Variants in PLXNA4 observed in about 807,000 individuals in gnomAD.
PLXNA4 encodes the protein plexin A4, also known as plexin-A4.
A neutral mutation model predicts 191.8 loss-of-function variants in PLXNA4; 44 were observed. That is an observed-to-expected ratio of 0.23 (90% CI 0.18 to 0.29). PLXNA4 has a LOEUF of 0.29. Among genes scored for constraint, PLXNA4 ranks in the 10% least tolerant of loss-of-function variants. PLXNA4 has a pLI of 1.00. For synonymous variants in PLXNA4, 1,082 were observed against 1,009.5 expected (o/e 1.07, Z -1.36); for missense variants, 1,800 against 2,488.8 (o/e 0.72, Z 5.89).
chr7:132,599,236 A>G (rs1309781803), intron 2 of PLXNA4, among the ~76,000 whole-genome samples: 1 of 152,180 alleles, frequency 6.6e-6, no homozygotes, highest in Non-Finnish European at 1.5e-5. Flanking sequence ...TTATCCTTCT[A>G]TGTAAATTTC....
chr7:132,138,247 A>C (rs1276812972), intron 30 of PLXNA4, among the ~76,000 whole-genome samples: 1 of 152,156 alleles, frequency 6.6e-6, no homozygotes, highest in Non-Finnish European at 1.5e-5. Flanking sequence ...TGAGCCTCTA[A>C]GTAAAAAGTC....
Position 132,124,750 on chromosome 7 carries a change from T to A in PLXNA4, c.*5729A>T, listed in dbSNP as rs1794722904. 6.6e-6 allele frequency: 1 copy of A among 152,146 alleles called. No individual in the cohort carries two copies. The highest frequency in any genetic ancestry group is 1.9e-4 in the East Asian group (1 of 5,164). 9.4% of individuals were successfully genotyped at this position (152,146 alleles called of 1,614,324 possible). ...AGCCAAGCATAGACATCAAAGCGGG[T>A]GGGAATGGAATAAAGTGAGGCTCCC... On this transcript the variant is annotated 3_prime_UTR_variant, in exon 32 of 32. Transcript: ENST00000321063.
intron 20 of PLXNA4, among the ~76,000 whole-genome samples, chr7:132,175,547 T>A (rs1796429660): frequency 6.6e-6 from 1 of 152,222 alleles, no homozygotes; most frequent in South Asian, 2.1e-4. Context: ...GTGATGCTAC[T>A]TGATGGTGAA....
intron 4 of PLXNA4, among the ~76,000 whole-genome samples, chr7:132,258,500 G>C (rs1799511020): frequency 6.6e-6 from 1 of 152,230 alleles, no homozygotes; most frequent in Non-Finnish European, 1.5e-5. Flanking sequence ...AGAAGTGAAA[G>C]TCCTGTGTTC....
rs1369482917 is a variant in PLXNA4 at position 132,597,855 on chromosome 7, C to CTATA, written c.-87+48072_-87+48073insTATA. ...TCCATGTTGCGCTCTCTCTCTCTCTCTCTCTATATATATATATACATCCAA... is the reference window on the plus strand; with the variant it reads ...TCCATGTTGCGCTCTCTCTCTCTCTCTATATCTCTATATATATATATACATCCAA... On this transcript the variant is annotated intron_variant, in intron 2 of 4. Transcript: ENST00000378539. 2.3e-4 allele frequency among the ~76,000 whole-genome samples: 12 copies of CTATA among 52,032 alleles called. No homozygotes were observed. In the East Asian group the frequency reaches 5.5e-3, roughly 24 times the overall value. 34.1% of individuals were successfully genotyped at this position (52,032 alleles called of 152,430 possible).
intron 4 of PLXNA4, among the ~76,000 whole-genome samples, chr7:132,280,546 TATCTGTCAGCACCATCTCAA>T (rs1184007773): frequency 6.6e-6 from 1 of 152,200 alleles, no homozygotes; most frequent in East Asian, 1.9e-4. Context: ...GGGGATTTCT[TATCTGTCAGCACCATCTCAA>T]ATTCCTATAG....
chr7:132,329,410 G>A (rs1257606754), intron 3 of PLXNA4, among the ~76,000 whole-genome samples: 1 of 152,170 alleles, frequency 6.6e-6, no homozygotes, highest in Non-Finnish European at 1.5e-5. Context: ...AAGAGAGTGA[G>A]TGCCTCCTGT....
Position 132,211,137 on chromosome 7 carries a change from G to C in PLXNA4, c.2104C>G (p.Pro702Ala), listed in dbSNP as rs1419194104. 1 of 1,556,304 alleles carries C rather than the reference G, an allele frequency of 6.4e-7. No homozygotes were observed. Among genetic ancestry groups the C allele is most frequent in the Non-Finnish European group, 8.7e-7 (1 of 1,149,738 alleles). ...EGRVKLPEDC[P>A]QLLRVDKILV... ...ATCTTGTCCACTCGCAGCAGCTGGG[G>C]GCAGTCCTGGGGACAGAGGGCATGG... The change falls in exon 10 of 32, where the codon CCC becomes GCC. Residue 702 changes from proline (P) to alanine (A), a missense_variant. Physicochemically the swap from Pro to Ala is conservative, Grantham distance 27. Transcript: ENST00000321063.
At chr7:132,482,695 C>CTT (rs11448338) in intron 3 of PLXNA4, among the ~76,000 whole-genome samples, 5,970 of 141,158 alleles carry the variant, frequency 0.042, 225 homozygotes, top group Middle Eastern at 0.089. Context: ...CTTCGAGAAA[C>CTT]TTTTTTTTTT....
At chr7:132,562,971 TCCCTCCTCCTCCTTCTC>T (rs1801340321) in intron 1 of PLXNA4, among the ~76,000 whole-genome samples, 2 of 24,022 alleles carry the variant, frequency 8.3e-5, no homozygotes, top group African/African-American at 3.6e-4. Flanking sequence ...CCTCCTCCTC[TCCCTCCTCCTCCTTCTC>T]CTCCTCCTCC....
At chr7:132,144,995 T>C (rs1167273304) in intron 29 of PLXNA4, 124 bp downstream of exon 29, 3 of 1,398,052 alleles carry the variant, frequency 2.1e-6, no homozygotes, top group Non-Finnish European at 3.0e-6. Flanking sequence ...CTGCTCAGAG[T>C]CCCTGCTGAT....
chr7:132,396,932 C>A (rs1451202033), intron 3 of PLXNA4, among the ~76,000 whole-genome samples: 1 of 152,226 alleles, frequency 6.6e-6, no homozygotes, highest in African/African-American at 2.4e-5. Flanking sequence ...GGAAATAGAG[C>A]CTCCAGGGGC....
chr7:132,231,285 C>T (rs775269831), intron 5 of PLXNA4, among the ~76,000 whole-genome samples: 24 of 152,210 alleles, frequency 1.6e-4, no homozygotes, highest in Admixed American at 6.5e-5. Context: ...CAGGACATAG[C>T]TCATAGTAAG....
intron 21 of PLXNA4, among the ~76,000 whole-genome samples, chr7:132,171,746 T>C (rs1796293727): frequency 6.6e-6 from 1 of 152,112 alleles, no homozygotes; most frequent in East Asian, 1.9e-4. Flanking sequence ...TTCAGCAGCA[T>C]GGGTCTTAGA....
intron 3 of PLXNA4, among the ~76,000 whole-genome samples, chr7:132,422,206 G>T (rs2117148853): frequency 6.6e-6 from 1 of 152,286 alleles, no homozygotes; most frequent in Middle Eastern, 3.4e-3. Flanking sequence ...ACCCTGTATG[G>T]CTCTGCATGG....
At chr7:132,414,329 T>C (rs1217898378) in intron 3 of PLXNA4, among the ~76,000 whole-genome samples, 1 of 152,218 alleles carries the variant, frequency 6.6e-6, no homozygotes, top group Non-Finnish European at 1.5e-5. Flanking sequence ...GTTTGGTTTA[T>C]TGGAAACTCT....
chr7:132,561,668 C>T (rs1801095233), intron 1 of PLXNA4, among the ~76,000 whole-genome samples: 1 of 136,854 alleles, frequency 7.3e-6, no homozygotes, highest in Non-Finnish European at 1.6e-5. Flanking sequence ...TTTCCTCATC[C>T]TCCTCCTTCT....
chr7:132,326,860 C>A (rs1446763803), intron 3 of PLXNA4, among the ~76,000 whole-genome samples: 15 of 151,710 alleles, frequency 9.9e-5, no homozygotes, highest in Non-Finnish European at 2.2e-4. Context: ...GTGCCCAGTG[C>A]CTGGCTCAGA....
intron 2 of PLXNA4, among the ~76,000 whole-genome samples, chr7:132,614,934 T>G (rs1803122624): frequency 6.6e-6 from 1 of 152,120 alleles, no homozygotes; most frequent in African/African-American, 2.4e-5. Flanking sequence ...TTCCAGAGCC[T>G]TCCGGAGCCT....
Sources: gnomAD v4.1 joint callset for allele counts (sites outside exome capture counted in the v4.1 genomes callset) on GRCh38, gnomAD v4.1.1 for gene constraint, MANE v1.5 for transcripts, NCBI Gene and HGNC (gene_info 2026-07-23, HGNC 2026-07-21) for gene names.